DMD: variants seen among roughly 807,000 people sequenced by gnomAD.
DMD encodes dystrophin.
In DMD, 63 loss-of-function variants were observed where a neutral mutation model predicts 330.1. The ratio of observed to expected loss-of-function variants is 0.19; its 90% confidence interval spans 0.16 to 0.24. DMD has a LOEUF of 0.24. Ranked by LOEUF, DMD falls within the 10% of genes least tolerant of loss-of-function variation. The probability of loss-of-function intolerance (pLI) is 1.00; values close to 1 mark genes in which losing one functional copy is unlikely to be tolerated. For synonymous variants in DMD, 1,223 were observed against 959.8 expected (o/e 1.27, Z -5.07); for missense variants, 3,344 against 2,684.1 (o/e 1.25, Z -5.43).
In DMD at chrX:31,922,582, A is replaced by G. The variant is rs764988757; in HGVS notation, c.6912+7014T>C. Among the ~76,000 whole-genome samples the G allele has an allele frequency of 2.1e-3, 228 of 109,230 alleles. 1 individual carries two copies. The highest frequency in any genetic ancestry group is 7.0e-3 in the African/African-American group (208 of 29,788). The allele number at this position is 109,230 out of a possible 115,157, so 94.9% of individuals were successfully genotyped here. A position where few individuals can be genotyped will look rare whatever the true frequency, so the allele number is the denominator to read the frequency against. On this transcript the variant is annotated intron_variant, in intron 47 of 78. Coordinates refer to ENST00000357033, the MANE Select transcript of DMD (RefSeq NM_004006.3). Reference sequence around the variant, plus strand: ...GGCAGACCTCGGTACTGAGCCCTCAATCTATGGGATCTGACACTATCTCTG... The same window carrying G: ...GGCAGACCTCGGTACTGAGCCCTCAGTCTATGGGATCTGACACTATCTCTG...
At chrX:31,691,271 T>A (rs1322842580) in intron 52 of DMD, among the ~76,000 whole-genome samples, 1 of 110,954 alleles carries the variant, frequency 9.0e-6, no homozygotes, top group African/African-American at 3.3e-5. Flanking sequence ...CACAAACTTA[T>A]AATACATACA....
chrX:32,585,809 T>C (rs1022454937), intron 13 of DMD, among the ~76,000 whole-genome samples: 2 of 109,271 alleles, frequency 1.8e-5, no homozygotes, highest in Admixed American at 2.0e-4. Flanking sequence ...CTGTTATCTT[T>C]GAGTTTCATT....
chrX:33,244,102 T>G (rs971572508), intron 1 of DMD, among the ~76,000 whole-genome samples: 2 of 111,985 alleles, frequency 1.8e-5, no homozygotes, highest in African/African-American at 6.5e-5. Context: ...TGCCTTTTGT[T>G]TATTCTTCTT....
chrX:31,665,020 G>T (rs1225718443), intron 53 of DMD, among the ~76,000 whole-genome samples: 10 of 110,904 alleles, frequency 9.0e-5, no homozygotes, highest in Non-Finnish European at 9.5e-5. Context: ...TTCCATAATT[G>T]TCCACATGAG....
chrX:31,727,578 T>C (rs924902094), intron 52 of DMD, among the ~76,000 whole-genome samples: 2 of 112,126 alleles, frequency 1.8e-5, no homozygotes, highest in Non-Finnish European at 3.8e-5. Context: ...ATGAGTCTTA[T>C]GCTCTGGACA....
chrX:32,052,984 A>T (rs1162741330), intron 44 of DMD, among the ~76,000 whole-genome samples: 2 of 111,577 alleles, frequency 1.8e-5, no homozygotes, highest in Admixed American at 9.5e-5. Context: ...CTTGGGCAAT[A>T]AAGAATACTC....
chrX:32,218,744 T>C (rs745612094), intron 43 of DMD, among the ~76,000 whole-genome samples: 6 of 111,775 alleles, frequency 5.4e-5, no homozygotes, highest in African/African-American at 1.9e-4. Flanking sequence ...CCATTTTCCA[T>C]TGGAGAAAAC....
chrX:33,336,172 T>C (rs2054251005), intron 1 of DMD, among the ~76,000 whole-genome samples: 1 of 110,754 alleles, frequency 9.0e-6, no homozygotes, highest in Non-Finnish European at 1.9e-5. Flanking sequence ...TTCACTTTAG[T>C]TTATTAACTC....
chrX:32,344,479 T>C (rs2097757720), intron 39 of DMD, among the ~76,000 whole-genome samples: 1 of 111,500 alleles, frequency 9.0e-6, no homozygotes, highest in African/African-American at 3.3e-5. Flanking sequence ...AAATTGGGAA[T>C]TTAAACCTTG....
Position 32,823,355 on chromosome X carries a change from G to A in DMD, c.297C>T (p.Ile99=), listed in dbSNP as rs1004456825. 29 of 1,206,091 alleles carry A rather than the reference G, an allele frequency of 2.4e-5. No homozygotes were observed. The highest frequency in any genetic ancestry group is 3.0e-5 in the Non-Finnish European group (27 of 892,250). ...VDLVNIGSTD[I]VDGNHKLTLG... ...GAGTCAGTTTATGATTTCCATCTAC[G>A]ATGTCAGTACTTCCAATATTCACTA... is the stretch of plus-strand genomic sequence containing the variant. Residue 99 remains isoleucine, a synonymous_variant, in exon 5 of 79, where the codon ATC becomes ATT. Coordinates refer to ENST00000357033, the MANE Select transcript of DMD (RefSeq NM_004006.3).
chrX:31,826,647 A>G (rs1010095245), intron 49 of DMD, among the ~76,000 whole-genome samples: 1 of 112,394 alleles, frequency 8.9e-6, no homozygotes, highest in South Asian at 3.6e-4. Context: ...GCAGTGCTCA[A>G]TAGAAATCTG....
intron 11 of DMD, among the ~76,000 whole-genome samples, chrX:32,635,731 G>A (rs759660004): frequency 9.0e-6 from 1 of 111,608 alleles, no homozygotes; most frequent in Non-Finnish European, 1.9e-5. Context: ...GATTTATAAC[G>A]TTTATCAAAG....
intron 1 of DMD, among the ~76,000 whole-genome samples, chrX:33,273,928 A>G (rs111329467): frequency 0.011 from 1,244 of 112,309 alleles, 20 homozygotes; most frequent in African/African-American, 0.039. Context: ...TCTGTCCATC[A>G]ATAGCAAAAA....
At chrX:31,687,002 G>A (rs895000492) in intron 52 of DMD, among the ~76,000 whole-genome samples, 1 of 111,577 alleles carries the variant, frequency 9.0e-6, no homozygotes, top group African/African-American at 3.3e-5. Context: ...TGGGGCATGG[G>A]CAGAGTCATG....
At chrX:32,919,583 T>C (rs2088189463) in intron 2 of DMD, among the ~76,000 whole-genome samples, 1 of 111,981 alleles carries the variant, frequency 8.9e-6, no homozygotes, top group Non-Finnish European at 1.9e-5. Flanking sequence ...TTATATTTTA[T>C]TTACTCTTCA....
intron 37 of DMD, among the ~76,000 whole-genome samples, chrX:32,356,768 A>G (rs1260451207): frequency 1.8e-5 from 2 of 112,350 alleles, no homozygotes; most frequent in Non-Finnish European, 3.8e-5. Flanking sequence ...TATTTTGTAA[A>G]AAGTAAAATA....
At chrX:33,147,821 G>A (rs1351448204) in intron 1 of DMD, among the ~76,000 whole-genome samples, 2 of 111,034 alleles carry the variant, frequency 1.8e-5, no homozygotes, top group African/African-American at 6.5e-5. Flanking sequence ...TTTCTGAAGG[G>A]CAAAATATAT....
At chrX:32,891,868 C>T (rs996410966) in intron 2 of DMD, among the ~76,000 whole-genome samples, 24 of 111,575 alleles carry the variant, frequency 2.2e-4, no homozygotes, top group African/African-American at 7.2e-4. Context: ...TCAAATCATT[C>T]TTCCCCAGCC....
intron 1 of DMD, among the ~76,000 whole-genome samples, chrX:33,093,318 T>C (rs1458975070): frequency 8.9e-6 from 1 of 112,525 alleles, no homozygotes; most frequent in Non-Finnish European, 1.9e-5. Flanking sequence ...TTACTTTACG[T>C]TGTAAATATT....
Sources: gnomAD v4.1 joint callset for allele counts (sites outside exome capture counted in the v4.1 genomes callset) on GRCh38, gnomAD v4.1.1 for gene constraint, MANE v1.5 for transcripts, NCBI Gene and HGNC (gene_info 2026-07-23, HGNC 2026-07-21) for gene names.